ADGRF4: variants seen among roughly 807,000 people sequenced by gnomAD.
The protein encoded by ADGRF4 is G-protein coupled receptor PGR18.
ADGRF4 carries 63 observed loss-of-function variants against 58.5 expected under a neutral mutation model. The ratio of observed to expected loss-of-function variants is 1.08; its 90% CI spans 0.88 to 1.33. The LOEUF (loss-of-function observed/expected upper bound fraction) is 1.33, where lower values mean the gene tolerates loss of function less well. Among genes scored for constraint, ADGRF4 ranks in the 40% most tolerant of loss-of-function variants. The probability of loss-of-function intolerance (pLI) is 0.00; values close to 1 mark genes in which losing one functional copy is unlikely to be tolerated. For synonymous variants in ADGRF4, 313 were observed against 295.4 expected (o/e 1.06, Z -0.61); for missense variants, 931 against 843.9 (o/e 1.10, Z -1.28).
At chr6:47,704,852 A>C (rs1371871722) in intron 1 of ADGRF4, among the ~76,000 whole-genome samples, 1 of 152,208 alleles carries the variant, frequency 6.6e-6, no homozygotes, top group Non-Finnish European at 1.5e-5. Flanking sequence ...ATATACATAC[A>C]TAGATACATA....
Position 47,716,838 on chromosome 6 carries a change from G to A in ADGRF4, c.1965G>A (p.Met655Ile), listed in dbSNP as rs776413387. The change falls in exon 7 of 10, where the codon ATG (methionine) becomes ATA (isoleucine). Residue 655 changes from methionine to isoleucine, a missense_variant. By Grantham distance (10) the Met-to-Ile change is conservative (BLOSUM62 1). Transcript: ENST00000283303. Reference protein sequence around the residue: ...GFFILLFGTIMDHKIRDALRM... With the variant: ...GFFILLFGTIIDHKIRDALRM... ...TCATCCTGCTGTTTGGAACCATTAT[G>A]GATCACAAGGTAATTTGAATTTGCT... 6.3e-7 allele frequency: 1 copy of A among 1,598,130 alleles called. No homozygotes were observed. Among genetic ancestry groups the A allele is most frequent in the South Asian group, 1.1e-5 (1 of 88,096 alleles).
At chr6:47,708,718 G>A (rs991329192) in intron 3 of ADGRF4, among the ~76,000 whole-genome samples, 1 of 152,210 alleles carries the variant, frequency 6.6e-6, no homozygotes, top group African/African-American at 2.4e-5. Context: ...CTCTCAAGAA[G>A]TGAGAAGTAA....
intron 6 of ADGRF4, among the ~76,000 whole-genome samples, chr6:47,716,060 T>G (rs915244196): frequency 6.6e-6 from 1 of 152,078 alleles, no homozygotes; most frequent in Admixed American, 6.6e-5. Flanking sequence ...TGGTGAGTAA[T>G]GATCTCATCC....
intron 1 of ADGRF4, among the ~76,000 whole-genome samples, chr6:47,703,031 A>G (rs1771624078): frequency 6.6e-6 from 1 of 152,140 alleles, no homozygotes; most frequent in Non-Finnish European, 1.5e-5. Flanking sequence ...CATTTAATTT[A>G]ATATTTAGGT....
At chr6:47,720,166 T>C (rs1320878671) in intron 9 of ADGRF4, among the ~76,000 whole-genome samples, 1 of 151,584 alleles carries the variant, frequency 6.6e-6, no homozygotes, top group African/African-American at 2.4e-5. Context: ...TCCTCCAAAG[T>C]CCAGAGTGGA....
chr6:47,705,344 G>A lies in ADGRF4; in HGVS notation c.-16-1886G>A, dbSNP rs116446107. 4.3e-3 allele frequency among the ~76,000 whole-genome samples: 659 copies of A among 152,222 alleles called. 2 individuals carry two copies. The highest frequency in any genetic ancestry group is 0.014 in the African/African-American group (574 of 41,536). On this transcript the variant is annotated intron_variant, in intron 1 of 9. Transcript: ENST00000283303. ...TGATGATCAGTTAAGCATCTATCTT[G>A]GACAATATTCACATTGCAAATTGCT...
In ADGRF4 at chr6:47,708,273, T is replaced by C; in HGVS notation, c.143T>C (p.Ile48Thr). Reference sequence around the variant, plus strand: ...GAAGGGAAACCCAAGACTGGAAGGATCCAAGGTATGTGGCTATAGAACAGT... The same window carrying C: ...GAAGGGAAACCCAAGACTGGAAGGACCCAAGGTATGTGGCTATAGAACAGT... Reference protein sequence around the residue: ...SPEGKPKTGRIQEKCEGPCIS... With the variant: ...SPEGKPKTGRTQEKCEGPCIS... Residue 48 changes from isoleucine to threonine, a missense_variant, in exon 3 of 10, where the codon ATC becomes ACC. By Grantham distance (89) the Ile-to-Thr change is moderately conservative. Coordinates refer to ENST00000283303, the MANE Select transcript of ADGRF4 (RefSeq NM_153838.5). 6.2e-7 allele frequency: 1 copy of C among 1,609,402 alleles called. No individual in the cohort carries two copies. The highest frequency in any genetic ancestry group is 8.5e-7 in the Non-Finnish European group (1 of 1,175,790).
At chr6:47,717,147 C>T in intron 7 of ADGRF4, 145 bp from the exon 8 acceptor site, 1 of 701,844 alleles carries the variant, frequency 1.4e-6, no homozygotes, top group Non-Finnish European at 2.6e-6. Context: ...TAGCTTTTAT[C>T]CAAATCTTGT....
chr6:47,721,057 C>T (rs994331224), intron 9 of ADGRF4, among the ~76,000 whole-genome samples, 152 bp from the exon 10 acceptor site: 19 of 152,288 alleles, frequency 1.2e-4, no homozygotes, highest in South Asian at 4.1e-4. Flanking sequence ...AATTACTCAA[C>T]GGCTCTGTGC....
chr6:47,716,928 G>GTATGCTCTCCA, intron 7 of ADGRF4, 81 bp downstream of exon 7: 6 of 951,930 alleles, frequency 6.3e-6, no homozygotes, highest in Non-Finnish European at 8.4e-6. Context: ...TTTGATTGGA[G>GTATGCTCTCCA]AGCATACTCC....
intron 5 of ADGRF4, among the ~76,000 whole-genome samples, chr6:47,713,063 G>A (rs543637809): frequency 2.0e-5 from 3 of 152,236 alleles, no homozygotes; most frequent in East Asian, 1.9e-4. Context: ...GTAGAAGCAC[G>A]GACCTTATTG....
chr6:47,720,914 C>T (rs1481769090), intron 9 of ADGRF4, among the ~76,000 whole-genome samples: 1 of 152,078 alleles, frequency 6.6e-6, no homozygotes, highest in Non-Finnish European at 1.5e-5. Flanking sequence ...TTCTAGAATC[C>T]AAGTTCAGAC....
At position 47,714,063 on chromosome 6, in the gene ADGRF4, T is replaced by C; in HGVS notation, c.818T>C (p.Val273Ala). The C allele has an allele frequency of 1.2e-6, 2 of 1,614,014 alleles. No homozygotes were observed. Among genetic ancestry groups the C allele is most frequent in the Non-Finnish European group, 1.7e-6 (2 of 1,179,990 alleles). Residue 273 changes from valine (V) to alanine (A), a missense_variant, in exon 6 of 10, where the codon GTA becomes GCA. Coordinates refer to ENST00000283303, the MANE Select transcript of ADGRF4 (RefSeq NM_153838.5). ...NNTTEDILGM[V>A]QIPRQELRKL... ...ACCACAGAAGATATCTTAGGAATGG[T>C]ACAGATTCCCAGGCAAGAGCTAAGG...
intron 1 of ADGRF4, 66 bp from the exon 2 acceptor site, chr6:47,707,164 G>C (rs1771729707): frequency 1.1e-6 from 1 of 891,910 alleles, no homozygotes; most frequent in African/African-American, 1.6e-5. Context: ...TGGTTAGCCG[G>C]ATAAGTATTG....
intron 1 of ADGRF4, among the ~76,000 whole-genome samples, chr6:47,699,154 A>G (rs1019326838): frequency 6.6e-6 from 1 of 152,238 alleles, no homozygotes; most frequent in Non-Finnish European, 1.5e-5. Context: ...ATGTTGTTTT[A>G]AAAGTGTTCT....
chr6:47,714,800 T>G lies in ADGRF4; in HGVS notation c.1555T>G (p.Phe519Val). 6.2e-7 allele frequency: 1 copy of G among 1,613,872 alleles called. No homozygotes were observed. Among genetic ancestry groups the G allele is most frequent in the Non-Finnish European group, 8.5e-7 (1 of 1,179,726 alleles). Residue 519 changes from phenylalanine to valine, a missense_variant, in exon 6 of 10, where the codon TTT (phenylalanine) becomes GTT (valine). Coordinates refer to ENST00000283303, the MANE Select transcript of ADGRF4 (RefSeq NM_153838.5). ...MMKSRMMVIG[F>V]AIGYGCPLII... Reference sequence around the variant, plus strand: ...GAAGTCCCGAATGATGGTCATTGGCTTTGCCATTGGCTATGGGTGCCCATT... The same window carrying G: ...GAAGTCCCGAATGATGGTCATTGGCGTTGCCATTGGCTATGGGTGCCCATT...
Position 47,715,144 on chromosome 6 carries a change from C to G in ADGRF4, c.1899C>G (p.Phe633Leu). 6.3e-7 allele frequency: 1 copy of G among 1,591,512 alleles called. No individual in the cohort carries two copies. The highest frequency in any genetic ancestry group is 8.6e-7 in the Non-Finnish European group (1 of 1,161,896). Reference sequence around the variant, plus strand: ...TCATAGAAGGCACTTCCTTGACGTTCCATATAATTTTTGCCTTGCTCAATG... The same window carrying G: ...TCATAGAAGGCACTTCCTTGACGTTGCATATAATTTTTGCCTTGCTCAATG... ...ATLIEGTSLT[F>L]HIIFALLNAF... is the part of the protein sequence containing the mutation. The change falls in exon 6 of 10, where the codon TTC (phenylalanine) becomes TTG (leucine). Residue 633 changes from phenylalanine (F) to leucine (L), a missense_variant. Physicochemically the swap from Phe to Leu is conservative, Grantham distance 22 (BLOSUM62 0). Coordinates refer to ENST00000283303, the MANE Select transcript of ADGRF4 (RefSeq NM_153838.5).
At chr6:47,720,819 T>C (rs1772139702) in intron 9 of ADGRF4, among the ~76,000 whole-genome samples, 1 of 152,140 alleles carries the variant, frequency 6.6e-6, no homozygotes. Context: ...AGTTTTTCAC[T>C]CCACAATAAT....
chr6:47,720,625 G>C (rs1299907443), intron 9 of ADGRF4, among the ~76,000 whole-genome samples: 1 of 152,184 alleles, frequency 6.6e-6, no homozygotes, highest in African/African-American at 2.4e-5. Context: ...GGAGGCAGGG[G>C]AGAGAGGGCC....
Sources: allele counts gnomAD v4.1 joint callset (sites outside exome capture counted in the v4.1 genomes callset), GRCh38; gene constraint gnomAD v4.1.1; transcripts MANE v1.5; gene names NCBI Gene and HGNC (gene_info 2026-07-23, HGNC 2026-07-21).